The following DSC3 variants were observed in gnomAD, a reference collection of about 807,000 sequenced individuals.
DSC3 encodes the protein desmocollin-3.
DSC3 carries 97 observed loss-of-function variants against 89.5 expected under a neutral mutation model. That is an observed-to-expected ratio of 1.08 (90% confidence interval 0.92 to 1.28). The LOEUF is 1.28. Ranked by LOEUF, DSC3 falls within the 50% of genes most tolerant of loss-of-function variation. The probability of loss-of-function intolerance (pLI) is 0.00; values close to 1 mark genes in which losing one functional copy is unlikely to be tolerated. For synonymous variants in DSC3, 436 were observed against 384.1 expected (o/e 1.14, Z -1.58); for missense variants, 1,199 against 1,085.3 (o/e 1.10, Z -1.47).
chr18:30,996,004 A>AAAAAAAAAG (rs1380162048), intron 15 of DSC3, among the ~76,000 whole-genome samples: 7 of 143,654 alleles, frequency 4.9e-5, no homozygotes, highest in African/African-American at 2.0e-4. Flanking sequence ...AAAAAAGAAA[A>AAAAAAAAAG]GAAAGAAAAA....
intron 1 of DSC3, among the ~76,000 whole-genome samples, chr18:31,038,927 GTATGTTTCTTGAAAC>G (rs1986052229): frequency 2.6e-5 from 4 of 151,942 alleles, no homozygotes; most frequent in Non-Finnish European, 5.9e-5. Flanking sequence ...TTCAGTTATA[GTATGTTTCTTGAAAC>G]TATGAAGTCA....
At chr18:31,037,446 G>A (rs1229598461) in intron 1 of DSC3, among the ~76,000 whole-genome samples, 1 of 152,016 alleles carries the variant, frequency 6.6e-6, no homozygotes, top group Non-Finnish European at 1.5e-5. Flanking sequence ...GACCTCTTCT[G>A]GAATGCTGAA....
At chr18:31,016,215 G>A (rs1304451318) in intron 9 of DSC3, among the ~76,000 whole-genome samples, 3 of 152,130 alleles carry the variant, frequency 2.0e-5, no homozygotes, top group Non-Finnish European at 4.4e-5. Context: ...CAGCTAGCCA[G>A]CAATCCACAA....
intron 2 of DSC3, among the ~76,000 whole-genome samples, chr18:31,031,604 T>C (rs1985794314): frequency 1.3e-5 from 2 of 152,264 alleles, no homozygotes; most frequent in South Asian, 4.1e-4. Context: ...CAATGGAGTG[T>C]ATGAGTTTGG....
chr18:31,038,843 C>T (rs913928327), intron 1 of DSC3, among the ~76,000 whole-genome samples: 21 of 151,928 alleles, frequency 1.4e-4, no homozygotes, highest in Admixed American at 6.6e-4. Flanking sequence ...TTCTTTGCTG[C>T]ATAGGATATT....
In DSC3 at chr18:31,001,707, CA is replaced by C; in HGVS notation, c.2145del (p.Phe715LeufsTer13). Reference protein sequence around the residue: ...SVLLTLVCGVFGATKGKRFPE... With the variant: ...SVLLTLVCGVXGATKGKRFPE... The stretch of plus-strand genomic sequence containing the variant: ...GGAAAACGTTTCCCTTTAGTTGCAC[CA>C]AAAACTCCACATACTAAAGTTAGCA... On this transcript the variant is annotated frameshift_variant, in exon 14 of 16. Coordinates refer to ENST00000360428, the MANE Select transcript of DSC3 (RefSeq NM_001941.5). LOFTEE classifies it high-confidence loss of function. 3.7e-6 allele frequency: 6 copies of C among 1,607,816 alleles called. No homozygotes were observed. The highest frequency in any genetic ancestry group is 2.2e-5 in the South Asian group (2 of 89,256).
chr18:31,016,029 A>G (rs1353523891), intron 9 of DSC3, among the ~76,000 whole-genome samples: 1 of 152,196 alleles, frequency 6.6e-6, no homozygotes, highest in Non-Finnish European at 1.5e-5. Context: ...GCATGCTAAA[A>G]GACATTCCCA....
At chr18:31,033,384 C>A (rs1985866691) in intron 1 of DSC3, among the ~76,000 whole-genome samples, 1 of 152,002 alleles carries the variant, frequency 6.6e-6, no homozygotes, top group Non-Finnish European at 1.5e-5. Context: ...CTACAATAAT[C>A]AAAACAGAGT....
chr18:31,042,376 C>G (rs926208151), intron 1 of DSC3, among the ~76,000 whole-genome samples: 2 of 152,234 alleles, frequency 1.3e-5, no homozygotes, highest in African/African-American at 4.8e-5. Context: ...AACACCTTGT[C>G]TCAAAACAAA....
At chr18:31,004,621 T>C (rs970649709) in intron 12 of DSC3, among the ~76,000 whole-genome samples, 94 of 152,202 alleles carry the variant, frequency 6.2e-4, no homozygotes, top group African/African-American at 2.1e-3. Context: ...ATTCCAGTAA[T>C]GTTTATCTAT....
chr18:31,004,814 C>T lies in DSC3; in HGVS notation c.1889-448G>A, dbSNP rs549744982. Among the ~76,000 whole-genome samples, 14 of 152,280 alleles carry T rather than the reference C, an allele frequency of 9.2e-5. No individual in the cohort carries two copies. The East Asian group carries it at 1.3e-3, about 15-fold the overall frequency. On this transcript the variant is annotated intron_variant, in intron 12 of 15. Transcript: ENST00000360428. ...TTTTCAAAGCACAATAGATTGTTTA[C>T]GATTAACACCTTTGCATCTGGAAGT...
chr18:31,020,641 A>G (rs985306261), intron 7 of DSC3, among the ~76,000 whole-genome samples: 60 of 151,666 alleles, frequency 4.0e-4, no homozygotes, highest in African/African-American at 1.4e-3. Context: ...TCTCCCTTCC[A>G]TACTGAAAGT....
chr18:31,042,563 C>A, intron 1 of DSC3, 29 bp downstream of exon 1: 2 of 1,549,258 alleles, frequency 1.3e-6, no homozygotes, highest in Non-Finnish European at 8.7e-7. Flanking sequence ...CGTCCCCACC[C>A]CAGCCCTATC....
At chr18:30,996,754 T>C in intron 15 of DSC3, 37 bp downstream of exon 15, 1 of 1,606,720 alleles carries the variant, frequency 6.2e-7, no homozygotes, top group Non-Finnish European at 8.5e-7. Flanking sequence ...CATTCGGAGG[T>C]TTAAATTTTA....
rs1408669903 is a variant in DSC3, at chr18:31,008,276, C to A, written c.1513G>T (p.Gly505Cys). Residue 505 changes from glycine to cysteine, a missense_variant, in exon 10 of 16, where the codon GGT becomes TGT. Coordinates refer to ENST00000360428, the MANE Select transcript of DSC3 (RefSeq NM_001941.5). Reference sequence around the variant, plus strand: ...TTATAGATTTATTTTTACCTTAAACCATTGCCATTTCTATTTTCGGGGTCA... The same window carrying A: ...TTATAGATTTATTTTTACCTTAAACAATTGCCATTTCTATTTTCGGGGTCA... ...AYDPENRNGN[G>C]LRYKKLHDPK... 1 of 1,613,730 alleles carries A rather than the reference C, an allele frequency of 6.2e-7. No homozygotes were observed. Among genetic ancestry groups the A allele is most frequent in the African/African-American group, 1.3e-5 (1 of 74,870 alleles).
chr18:31,025,829 A>G lies in DSC3; in HGVS notation c.561T>C (p.Tyr187=). 1.2e-6 allele frequency: 2 copies of G among 1,613,192 alleles called. No individual in the cohort carries two copies. Among genetic ancestry groups the G allele is most frequent in the Non-Finnish European group, 1.7e-6 (2 of 1,179,386 alleles). ...GVDKEPLNLF[Y]IERDTGNLFC... ...ATAGATTTCCAGTGTCTCTTTCTAT[A>G]TAAAACAAATTTAAAGGTTCTTTAT... is the stretch of plus-strand genomic sequence containing the variant. The change falls in exon 5 of 16, where the codon TAT becomes TAC. Residue 187 remains tyrosine (Y), a synonymous_variant. Coordinates refer to ENST00000360428, the MANE Select transcript of DSC3 (RefSeq NM_001941.5).
chr18:30,994,519 A>AT, intron 15 of DSC3, 147 bp from the exon 16 acceptor site: 2 of 1,561,678 alleles, frequency 1.3e-6, no homozygotes, highest in Non-Finnish European at 1.7e-6. Flanking sequence ...AATGCAAATG[A>AT]TTGGTCTATA....
intron 14 of DSC3, among the ~76,000 whole-genome samples, chr18:31,000,847 T>C (rs181385913): frequency 6.6e-6 from 1 of 152,042 alleles, no homozygotes; most frequent in Admixed American, 6.6e-5. Flanking sequence ...GTTTTTGAAC[T>C]CTGACAGTGC....
In DSC3 at chr18:31,006,891, A is replaced by AT. The variant is rs771625310; in HGVS notation, c.1888+15dup. On this transcript the variant is annotated intron_variant, in intron 12 of 15. Transcript: ENST00000360428. ...GTTATTTCAGAGTTTATAAATCATTATTTTTTATTAAATACCATTAACTTT... is the reference window on the plus strand; with the variant it reads ...GTTATTTCAGAGTTTATAAATCATTATTTTTTTATTAAATACCATTAACTTT... 1.2e-5 allele frequency: 19 copies of AT among 1,567,346 alleles called. No individual in the cohort carries two copies. The South Asian group carries it at 2.1e-4, about 18-fold the overall frequency.
Sources: gnomAD v4.1 joint callset for allele counts (sites outside exome capture counted in the v4.1 genomes callset) on GRCh38, gnomAD v4.1.1 for gene constraint, MANE v1.5 for transcripts, NCBI Gene and HGNC (gene_info 2026-07-23, HGNC 2026-07-21) for gene names.